Variants in CNTNAP2 observed in about 807,000 individuals in gnomAD.
CNTNAP2 encodes contactin associated protein 2, also known as contactin-associated protein-like 2.
CNTNAP2 carries 98 observed loss-of-function variants against 155.2 expected under a neutral mutation model. The ratio of observed to expected loss-of-function variants is 0.63; its 90% CI spans 0.54 to 0.75. The LOEUF is 0.75. CNTNAP2 is among the 30% of genes least tolerant of loss of function. CNTNAP2 has a pLI of 0.00. For synonymous variants in CNTNAP2, 651 were observed against 631.2 expected (o/e 1.03, Z -0.47); for missense variants, 1,727 against 1,688.1 (o/e 1.02, Z -0.40).
At chr7:146,793,131 G>A (rs1462001923) in intron 2 of CNTNAP2, among the ~76,000 whole-genome samples, 1 of 151,854 alleles carries the variant, frequency 6.6e-6, no homozygotes, top group Non-Finnish European at 1.5e-5. Context: ...TTAAAATCTG[G>A]TGTGTATGTT....
chr7:148,243,243 A>G (rs1796193189), intron 20 of CNTNAP2, among the ~76,000 whole-genome samples: 1 of 152,124 alleles, frequency 6.6e-6, no homozygotes, highest in African/African-American at 2.4e-5. Flanking sequence ...GATCTAGGTT[A>G]CCAACATCAT....
chr7:146,498,636 A>T (rs1415237106), intron 1 of CNTNAP2, among the ~76,000 whole-genome samples: 2 of 151,952 alleles, frequency 1.3e-5, no homozygotes, highest in Admixed American at 6.6e-5. Flanking sequence ...GTTTATATAC[A>T]CTGTGAACGA....
chr7:148,320,129 T>TGC (rs1299462344), intron 21 of CNTNAP2, among the ~76,000 whole-genome samples: 3 of 152,190 alleles, frequency 2.0e-5, no homozygotes, highest in Non-Finnish European at 4.4e-5. Flanking sequence ...CCAATATGGC[T>TGC]GCATTCGAGT....
chr7:146,747,457 C>A (rs989124805), intron 1 of CNTNAP2, among the ~76,000 whole-genome samples: 1 of 152,038 alleles, frequency 6.6e-6, no homozygotes, highest in Non-Finnish European at 1.5e-5. Flanking sequence ...TGAATAATTG[C>A]TTTTATTCTT....
Position 146,555,038 on chromosome 7 carries a change from A to G in CNTNAP2, c.98-219233A>G, listed in dbSNP as rs185565582. ...TTTGCCAAATAAGAGATAGTGGATG[A>G]AATCTTGATCCTCTTACTACAGGTT... On this transcript the variant is annotated intron_variant, in intron 1 of 23. Coordinates refer to ENST00000361727, the MANE Select transcript of CNTNAP2 (RefSeq NM_014141.6). Among the ~76,000 whole-genome samples, 53 of 152,314 alleles carry G rather than the reference A, an allele frequency of 3.5e-4. No individual in the cohort carries two copies. In the East Asian group the frequency reaches 6.0e-3, roughly 17 times the overall value.
chr7:146,474,503 T>A (rs1174129152), intron 1 of CNTNAP2, among the ~76,000 whole-genome samples: 5 of 151,572 alleles, frequency 3.3e-5, no homozygotes, highest in Admixed American at 3.3e-4. Flanking sequence ...GTTCTTCACA[T>A]GATTTGAGCT....
intron 19 of CNTNAP2, among the ~76,000 whole-genome samples, chr7:148,224,332 C>T (rs1480933878): frequency 6.6e-6 from 1 of 151,190 alleles, no homozygotes; most frequent in Non-Finnish European, 1.5e-5. Flanking sequence ...AAAGGAAAAA[C>T]CGAGTAAACA....
intron 13 of CNTNAP2, among the ~76,000 whole-genome samples, chr7:147,646,602 A>C (rs1268519665): frequency 6.6e-6 from 1 of 151,434 alleles, no homozygotes; most frequent in East Asian, 1.9e-4. Context: ...TTTTTTCCTC[A>C]TGCAAAGCCT....
At chr7:147,370,800 G>A (rs2099448668) in intron 9 of CNTNAP2, among the ~76,000 whole-genome samples, 1 of 152,080 alleles carries the variant, frequency 6.6e-6, no homozygotes, top group Admixed American at 6.6e-5. Context: ...GATTTTAGTA[G>A]AGAGAATCAC....
intron 13 of CNTNAP2, among the ~76,000 whole-genome samples, chr7:147,789,859 G>A (rs1176693663): frequency 2.6e-5 from 4 of 152,146 alleles, no homozygotes; most frequent in Non-Finnish European, 5.9e-5. Flanking sequence ...CAGTTTGCCA[G>A]GCTCTCGGGC....
intron 13 of CNTNAP2, among the ~76,000 whole-genome samples, chr7:147,678,305 C>T (rs1214344702): frequency 6.6e-6 from 1 of 151,858 alleles, no homozygotes; most frequent in Non-Finnish European, 1.5e-5. Context: ...GAGGCATCTT[C>T]TCCAGAAATC....
intron 3 of CNTNAP2, among the ~76,000 whole-genome samples, chr7:147,038,437 A>G (rs1185331534): frequency 6.6e-6 from 1 of 152,212 alleles, no homozygotes; most frequent in Non-Finnish European, 1.5e-5. Context: ...ACAAATAAGG[A>G]AACAGATCAA....
intron 8 of CNTNAP2, among the ~76,000 whole-genome samples, chr7:147,295,679 T>C (rs1805427356): frequency 6.6e-6 from 1 of 152,132 alleles, no homozygotes; most frequent in African/African-American, 2.4e-5. Flanking sequence ...GTAGACAAAA[T>C]ATGAAAGAAG....
chr7:147,761,154 C>T (rs1010678854), intron 13 of CNTNAP2, among the ~76,000 whole-genome samples: 4 of 152,062 alleles, frequency 2.6e-5, no homozygotes, highest in Admixed American at 2.6e-4. Flanking sequence ...AAGGTTAATA[C>T]CTTAATTGTA....
Position 148,417,980 on chromosome 7 carries a change from G to A in CNTNAP2, c.*2364G>A, listed in dbSNP as rs891836261. On this transcript the variant is annotated 3_prime_UTR_variant, in exon 24 of 24. Transcript: ENST00000361727. ...CCTAGGACACTGGAATGACTGCAGG[G>A]ATCAGTGGTTCTCCCATATCACCAT... 6.6e-6 allele frequency: 1 copy of A among 152,178 alleles called. No homozygotes were observed. The highest frequency in any genetic ancestry group is 1.5e-5 in the Non-Finnish European group (1 of 68,046). 9.4% of individuals were successfully genotyped at this position (152,178 alleles called of 1,614,324 possible). A position where few individuals can be genotyped will look rare whatever the true frequency, so the allele number is the denominator to read the frequency against.
intron 12 of CNTNAP2, among the ~76,000 whole-genome samples, chr7:147,580,836 G>A (rs10243306): frequency 0.69 from 105,462 of 152,020 alleles, 37,219 homozygotes; most frequent in African/African-American, 0.82. Flanking sequence ...GGCTGGTCTC[G>A]AACTTCTGAC....
chr7:147,830,575 A>G (rs900418404), intron 13 of CNTNAP2, among the ~76,000 whole-genome samples: 3 of 152,216 alleles, frequency 2.0e-5, no homozygotes, highest in Non-Finnish European at 4.4e-5. Context: ...CAGCCCAAGT[A>G]TTCGCCCTGC....
At chr7:147,172,993 T>C (rs1437777220) in intron 8 of CNTNAP2, among the ~76,000 whole-genome samples, 1 of 152,152 alleles carries the variant, frequency 6.6e-6, no homozygotes, top group Non-Finnish European at 1.5e-5. Flanking sequence ...ACATATTGAT[T>C]GTCAGCATTA....
At chr7:148,266,441 G>A (rs967770366) in intron 20 of CNTNAP2, among the ~76,000 whole-genome samples, 7 of 152,092 alleles carry the variant, frequency 4.6e-5, no homozygotes, top group South Asian at 2.1e-4. Flanking sequence ...AACGTGCGTC[G>A]CTTCCGTGGT....
Sources: gnomAD v4.1 joint callset for allele counts (sites outside exome capture counted in the v4.1 genomes callset) on GRCh38, gnomAD v4.1.1 for gene constraint, MANE v1.5 for transcripts, NCBI Gene and HGNC (gene_info 2026-07-23, HGNC 2026-07-21) for gene names.